Variants in HEATR4 observed in about 807,000 individuals in gnomAD.
HEATR4 encodes HEAT repeat containing 4, also known as HEAT repeat-containing protein 4.
A neutral mutation model predicts 108.8 loss-of-function variants in HEATR4; 95 were observed. The ratio of observed to expected loss-of-function variants is 0.87; its 90% CI spans 0.74 to 1.04. The LOEUF is 1.04. Ranked by LOEUF, HEATR4 falls within the 50% of genes least tolerant of loss-of-function variation. The probability of loss-of-function intolerance (pLI) is 0.00; values close to 1 mark genes in which losing one functional copy is unlikely to be tolerated. For synonymous variants in HEATR4, 443 were observed against 459.4 expected (o/e 0.96, Z 0.46); for missense variants, 1,152 against 1,253.8 (o/e 0.92, Z 1.23).
Position 73,537,786 on chromosome 14 carries a change from G to A in HEATR4, c.-151-7542C>T, listed in dbSNP as rs1350229110. On this transcript the variant is annotated intron_variant, in intron 1 of 17. Coordinates refer to ENST00000553558, the MANE Select transcript of HEATR4 (RefSeq NM_001220484.1). ...CCCGACCCCGGGCGGCTGCTGTGCC[G>A]GGTGCGGCACGAGCGCTACTTCCTC... 2.4e-5 allele frequency: 29 copies of A among 1,228,816 alleles called. 8 individuals are homozygous for A. The highest frequency in any genetic ancestry group is 5.4e-4 in the Middle Eastern group (2 of 3,682). The allele number at this position is 1,228,816 out of a possible 1,614,324, so 76.1% of individuals were successfully genotyped here. A position where few individuals can be genotyped will look rare whatever the true frequency, so the allele number is the denominator to read the frequency against.
intron 17 of HEATR4, among the ~76,000 whole-genome samples, chr14:73,482,590 G>C (rs1432273374): frequency 6.6e-6 from 1 of 152,156 alleles, no homozygotes; most frequent in Non-Finnish European, 1.5e-5. Flanking sequence ...TGAATATTCT[G>C]TATAATATAT....
intron 1 of HEATR4, among the ~76,000 whole-genome samples, chr14:73,538,420 T>C (rs1293640718): frequency 9.0e-6 from 1 of 111,404 alleles, no homozygotes; most frequent in Non-Finnish European, 1.9e-5. Context: ...AAGGCCATCC[T>C]GGCTAACACG....
chr14:73,479,258 G>A (rs1484811944), intron 17 of HEATR4, among the ~76,000 whole-genome samples: 1 of 151,864 alleles, frequency 6.6e-6, no homozygotes, highest in Non-Finnish European at 1.5e-5. Flanking sequence ...TGGGACTACA[G>A]GCGCCCACCA....
At position 73,508,202 on chromosome 14, in the gene HEATR4, A is replaced by G. The variant is rs1408710981; in HGVS notation, c.1813T>C (p.Phe605Leu). The G allele has an allele frequency of 1.2e-6, 2 of 1,614,030 alleles. No individual in the cohort carries two copies. The highest frequency in any genetic ancestry group is 8.5e-7 in the Non-Finnish European group (1 of 1,179,942). ...PVIKRILHQL[F>L]TKKNEDTEEQ... ...TCAGTGTCCTCATTCTTCTTTGTAA[A>G]CAGCTGGTGGAGGATCCTCTTAATC... Residue 605 changes from phenylalanine to leucine, a missense_variant, in exon 9 of 18, where the codon TTT becomes CTT. By Grantham distance (22) the Phe-to-Leu change is conservative. Transcript: ENST00000553558.
chr14:73,586,459 C>G, the HEATR4 span, among the ~76,000 whole-genome samples: 2 of 151,798 alleles, frequency 1.3e-5, no homozygotes, highest in South Asian at 4.2e-4. Context: ...AATCCCAGCA[C>G]TTTGGGAGGC....
intron 17 of HEATR4, among the ~76,000 whole-genome samples, chr14:73,485,036 C>T (rs763546641): frequency 1.3e-5 from 2 of 151,892 alleles, no homozygotes; most frequent in Non-Finnish European, 2.9e-5. Context: ...TGGTGGCAAG[C>T]GCCTGTAATC....
chr14:73,490,007 G>GT (rs1885614267), intron 17 of HEATR4, among the ~76,000 whole-genome samples: 1 of 152,228 alleles, frequency 6.6e-6, no homozygotes, highest in Admixed American at 6.5e-5. Flanking sequence ...GAACCTGCCG[G>GT]TGGAACATCC....
chr14:73,612,504 C>A, the HEATR4 span: 2 of 1,086,058 alleles, frequency 1.8e-6, no homozygotes, highest in Non-Finnish European at 1.2e-6. Context: ...TTCCAGCGCT[C>A]GGCAAAGCCG....
the HEATR4 span, among the ~76,000 whole-genome samples, chr14:73,568,791 G>A: frequency 1.3e-5 from 2 of 152,056 alleles, no homozygotes; most frequent in Non-Finnish European, 2.9e-5. Flanking sequence ...CACACAGCTA[G>A]TAAGAAGCCA....
At chr14:73,586,999 A>G in the HEATR4 span, among the ~76,000 whole-genome samples, 3 of 152,136 alleles carry the variant, frequency 2.0e-5, no homozygotes, top group African/African-American at 7.2e-5. Context: ...TTTTAGTTCC[A>G]TACTGAAGTC....
At chr14:73,528,414 A>AC (rs55848405) in intron 2 of HEATR4, among the ~76,000 whole-genome samples, 3 of 148,776 alleles carry the variant, frequency 2.0e-5, no homozygotes, top group African/African-American at 7.4e-5. Context: ...AAAAAAAAAA[A>AC]CTTAAGGAAT....
intron 5 of HEATR4, among the ~76,000 whole-genome samples, chr14:73,516,758 C>G (rs886798647): frequency 2.0e-5 from 3 of 152,186 alleles, no homozygotes; most frequent in African/African-American, 7.2e-5. Context: ...GTCAGATCAG[C>G]AGTGGCATTA....
chr14:73,598,217 C>CAAAAAAAAAAAAAA, the HEATR4 span, among the ~76,000 whole-genome samples: 17 of 54,808 alleles, frequency 3.1e-4, no homozygotes, highest in East Asian at 5.6e-4. Context: ...ACTAAAAATA[C>CAAAAAAAAAAAAAA]AAAAAAAAAA....
At chr14:73,529,507 G>T (rs2140304625) in intron 2 of HEATR4, among the ~76,000 whole-genome samples, 1 of 152,182 alleles carries the variant, frequency 6.6e-6, no homozygotes, top group East Asian at 1.9e-4. Flanking sequence ...CATGCCTCTA[G>T]TTAAAACCTG....
chr14:73,632,860 G>A, the HEATR4 span, among the ~76,000 whole-genome samples: 72,155 of 125,952 alleles, frequency 0.57, 22,250 homozygotes, highest in East Asian at 0.89. Context: ...AAAAAAAAAA[G>A]AAGAAGAAGA....
chr14:73,604,407 C>T, the HEATR4 span, among the ~76,000 whole-genome samples: 8 of 151,718 alleles, frequency 5.3e-5, 1 homozygote, highest in South Asian at 1.7e-3. Flanking sequence ...TCAAGTCATC[C>T]ACCCACCTCG....
the HEATR4 span, among the ~76,000 whole-genome samples, chr14:73,618,804 T>C: frequency 6.6e-6 from 1 of 152,118 alleles, no homozygotes; most frequent in Non-Finnish European, 1.5e-5. Flanking sequence ...ACTTTGCAGA[T>C]TGTTGGATAC....
the HEATR4 span, among the ~76,000 whole-genome samples, chr14:73,609,700 G>A: frequency 5.9e-5 from 9 of 152,192 alleles, no homozygotes; most frequent in Non-Finnish European, 1.0e-4. Context: ...GAATGCAGTG[G>A]TGCGATCTCG....
rs945761072 is a variant in HEATR4 at position 73,525,706 on chromosome 14, A to G, written c.-72-2482T>C. Among the ~76,000 whole-genome samples the G allele has an allele frequency of 2.6e-5, 4 of 152,240 alleles. No homozygotes were observed. The South Asian group carries it at 8.3e-4, about 32-fold the overall frequency. On this transcript the variant is annotated intron_variant, in intron 2 of 17. Coordinates refer to ENST00000553558, the MANE Select transcript of HEATR4 (RefSeq NM_001220484.1). ...GGTGGCTCACGTCAGTAATCCCAGAACTTTGGGAGGCTAAATTGGGCAAAT... is the reference window on the plus strand; with the variant it reads ...GGTGGCTCACGTCAGTAATCCCAGAGCTTTGGGAGGCTAAATTGGGCAAAT...
Sources: gnomAD v4.1 joint callset for allele counts (sites outside exome capture counted in the v4.1 genomes callset) on GRCh38, gnomAD v4.1.1 for gene constraint, MANE v1.5 for transcripts, NCBI Gene and HGNC (gene_info 2026-07-23, HGNC 2026-07-21) for gene names.